INA: variants seen among roughly 807,000 people sequenced by gnomAD.
INA encodes the protein alpha-internexin.
In INA, 35 loss-of-function variants were observed where a neutral mutation model predicts 40.1. The observed-to-expected ratio is 0.87, with a 90% CI of 0.67 to 1.16. The LOEUF (loss-of-function observed/expected upper bound fraction) is 1.16. Among genes scored for constraint, INA ranks in the 50% most tolerant of loss-of-function variants. The pLI, the probability that INA is intolerant of heterozygous loss-of-function variation, is 0.00. For missense variants in INA, 594 were observed against 686.7 expected (o/e 0.87, Z 1.51); for synonymous variants, 290 against 316.9 (o/e 0.92, Z 0.90).
Position 103,277,702 on chromosome 10 carries a change from C to A in INA, c.491C>A (p.Ala164Asp). ...GAGGCCAGCTCGGCTCGCTCGCAGG[C>A]CCTGCTGGAGCGCGACGGGCTGGCG... ...LEEASSARSQ[A>D]LLERDGLAEE... Residue 164 changes from alanine (A) to aspartate (D), a missense_variant, in exon 1 of 3, where the codon GCC (alanine) becomes GAC (aspartate). Transcript: ENST00000369849. The surrounding 1 kb of genome is among the most constrained non-coding windows in gnomAD (Gnocchi z 5.6). The A allele has an allele frequency of 5.1e-6, 7 of 1,377,678 alleles. No homozygotes were observed. Among genetic ancestry groups the A allele is most frequent in the Non-Finnish European group, 6.5e-6 (7 of 1,076,878 alleles). The allele number at this position is 1,377,678 out of a possible 1,614,324, so 85.3% of individuals were successfully genotyped here.
intron 1 of INA, among the ~76,000 whole-genome samples, chr10:103,284,764 AAAAAG>A (rs2093081393): frequency 2.0e-5 from 3 of 151,898 alleles, no homozygotes; most frequent in African/African-American, 7.3e-5. Context: ...GGAAAAAAAA[AAAAAG>A]AAGAAGATAA....
rs2093066782 is a variant in INA, at chr10:103,278,837, A to G, written c.1065+561A>G. On this transcript the variant is annotated intron_variant, in intron 1 of 2. Transcript: ENST00000369849. The surrounding 1 kb of genome is among the most constrained non-coding windows in gnomAD (Gnocchi z 4.9). ...CAACAAGCTGAGCGATGCTTGAGCT[A>G]GTAGTAACCACCCTGCTCTACCCAC... 6.6e-6 allele frequency among the ~76,000 whole-genome samples: 1 copy of G among 150,696 alleles called. No individual in the cohort carries two copies. Among genetic ancestry groups the G allele is most frequent in the Non-Finnish European group, 1.5e-5 (1 of 67,762 alleles).
chr10:103,286,893 A>AG, intron 1 of INA, 142 bp from the exon 2 acceptor site: 1 of 768,608 alleles, frequency 1.3e-6, no homozygotes, highest in Non-Finnish European at 2.0e-6. Flanking sequence ...ATCTGGACTC[A>AG]GGGACAGACC....
Position 103,277,913 on chromosome 10 carries a change from G to A in INA, c.702G>A (p.Glu234=). Residue 234 remains glutamate, a synonymous_variant, in exon 1 of 3, where the codon GAG becomes GAA. Coordinates refer to ENST00000369849, the MANE Select transcript of INA (RefSeq NM_032727.4). The surrounding 1 kb of genome is among the most constrained non-coding windows in gnomAD (Gnocchi z 5.6). ...LAFVRQVHDE[E]VAELLATLQA... is the part of the protein sequence containing the mutation. ...TCGTACGCCAGGTGCACGACGAGGA[G>A]GTAGCCGAGCTGCTGGCCACGCTGC... The A allele has an allele frequency of 6.4e-7, 1 of 1,551,262 alleles. No homozygotes were observed. The highest frequency in any genetic ancestry group is 8.7e-7 in the Non-Finnish European group (1 of 1,147,238).
rs142360479 is a variant in INA at position 103,277,466 on chromosome 10, C to T, written c.255C>T (p.Asn85=). 4,795 of 1,579,580 alleles carry T rather than the reference C, an allele frequency of 3.0e-3. 10 individuals carry two copies. Among genetic ancestry groups the T allele is most frequent in the Non-Finnish European group, 3.7e-3 (4,372 of 1,166,502 alleles). ...TGAGCCAGGCGGCGGCGCGCACCAACGAGTACAAGATCATCCGCACCAACG... is the reference window on the plus strand; with the variant it reads ...TGAGCCAGGCGGCGGCGCGCACCAATGAGTACAAGATCATCCGCACCAACG... ...LDLSQAAART[N]EYKIIRTNEK... The change falls in exon 1 of 3, where the codon AAC becomes AAT. Residue 85 remains asparagine (N), a synonymous_variant. Transcript: ENST00000369849. The surrounding 1 kb of genome is among the most constrained non-coding windows in gnomAD (Gnocchi z 5.6).
At chr10:103,283,266 C>T (rs2133534982) in intron 1 of INA, among the ~76,000 whole-genome samples, 1 of 152,222 alleles carries the variant, frequency 6.6e-6, no homozygotes, top group Non-Finnish European at 1.5e-5. Context: ...TCTCCTTTTT[C>T]CCTCACTCTA....
In INA at chr10:103,278,403, G is replaced by A; in HGVS notation, c.1065+127G>A. ...AAGAGAGGAGAGAAGAGCCGCGGCT[G>A]GAGGCGCTGGTTAACAAAAAACCCT... On this transcript the variant is annotated intron_variant, in intron 1 of 2. Transcript: ENST00000369849. The surrounding 1 kb of genome is among the most constrained non-coding windows in gnomAD (Gnocchi z 4.9). The A allele has an allele frequency of 1.3e-6, 1 of 751,302 alleles. No homozygotes were observed. The highest frequency in any genetic ancestry group is 3.0e-5 in the Admixed American group (1 of 33,558). 46.5% of individuals were successfully genotyped at this position (751,302 alleles called of 1,614,324 possible). A position where few individuals can be genotyped will look rare whatever the true frequency, so the allele number is the denominator to read the frequency against.
intron 1 of INA, among the ~76,000 whole-genome samples, chr10:103,284,400 C>T (rs4918003): frequency 0.45 from 68,708 of 152,030 alleles, 15,599 homozygotes; most frequent in South Asian, 0.63. Context: ...AACATCAACA[C>T]TGCCAAAGTT....
chr10:103,277,568 C>T lies in INA; in HGVS notation c.357C>T (p.Asn119=). ...IEKVHQLETQ[N]RALEAELAAL... is the part of the protein sequence containing the mutation. Reference sequence around the variant, plus strand: ...AGGTGCATCAGCTGGAGACGCAGAACCGCGCGTTGGAGGCCGAGCTGGCCG... The same window carrying T: ...AGGTGCATCAGCTGGAGACGCAGAATCGCGCGTTGGAGGCCGAGCTGGCCG... The change falls in exon 1 of 3, where the codon AAC becomes AAT. Residue 119 remains asparagine, a synonymous_variant. Coordinates refer to ENST00000369849, the MANE Select transcript of INA (RefSeq NM_032727.4). This position sits in a 1 kb window ranked among gnomAD's most constrained non-coding sequence, Gnocchi z 5.6. The T allele has an allele frequency of 1.3e-6, 2 of 1,575,118 alleles. No individual in the cohort carries two copies. The highest frequency in any genetic ancestry group is 1.7e-6 in the Non-Finnish European group (2 of 1,166,278).
chr10:103,285,117 G>A (rs964338417), intron 1 of INA, among the ~76,000 whole-genome samples: 3 of 151,946 alleles, frequency 2.0e-5, no homozygotes, highest in Non-Finnish European at 2.9e-5. Context: ...CCTAGTAGCT[G>A]GGATTATAGG....
chr10:103,282,494 G>C (rs2093074843), intron 1 of INA, among the ~76,000 whole-genome samples: 1 of 152,142 alleles, frequency 6.6e-6, no homozygotes, highest in Admixed American at 6.5e-5. Flanking sequence ...CAGCAGATCC[G>C]TTCATCTTTC....
At position 103,288,614 on chromosome 10, in the gene INA, A is replaced by G; in HGVS notation, c.1445A>G (p.Lys482Arg). 1 of 1,598,772 alleles carries G rather than the reference A, an allele frequency of 6.3e-7. No individual in the cohort carries two copies. The highest frequency in any genetic ancestry group is 8.5e-7 in the Non-Finnish European group (1 of 1,175,594). Residue 482 changes from lysine (K) to arginine (R), a missense_variant, in exon 3 of 3, where the codon AAG becomes AGG. Physicochemically the swap from Lys to Arg is conservative, Grantham distance 26. Coordinates refer to ENST00000369849, the MANE Select transcript of INA (RefSeq NM_032727.4). ...TTAGAGGAGACAGTAATATCTACTA[A>G]GAAAACCGAGAAATCAAATATAGAA... Reference protein sequence around the residue: ...EILEETVISTKKTEKSNIEET... With the variant: ...EILEETVISTRKTEKSNIEET...
Position 103,277,470 on chromosome 10 carries a change from T to A in INA, c.259T>A (p.Tyr87Asn), listed in dbSNP as rs1447657561. 1 of 1,585,162 alleles carries A rather than the reference T, an allele frequency of 6.3e-7. No homozygotes were observed. Among genetic ancestry groups the A allele is most frequent in the African/African-American group, 1.4e-5 (1 of 71,284 alleles). The change falls in exon 1 of 3, where the codon TAC (tyrosine) becomes AAC (asparagine). Residue 87 changes from tyrosine to asparagine, a missense_variant. By Grantham distance (143) the Tyr-to-Asn change is moderately radical. Coordinates refer to ENST00000369849, the MANE Select transcript of INA (RefSeq NM_032727.4). This position sits in a 1 kb window ranked among gnomAD's most constrained non-coding sequence, Gnocchi z 5.6. ...CCAGGCGGCGGCGCGCACCAACGAGTACAAGATCATCCGCACCAACGAGAA... is the reference window on the plus strand; with the variant it reads ...CCAGGCGGCGGCGCGCACCAACGAGAACAAGATCATCCGCACCAACGAGAA... ...LSQAAARTNE[Y>N]KIIRTNEKEQ...
At chr10:103,279,802 G>T in intron 1 of INA, 1 of 447,526 alleles carries the variant, frequency 2.2e-6, no homozygotes, top group Non-Finnish European at 3.8e-6. Context: ...AGGTTAGTTT[G>T]GTATTGCATT....
At chr10:103,282,689 G>A (rs1462192781) in intron 1 of INA, among the ~76,000 whole-genome samples, 2 of 151,996 alleles carry the variant, frequency 1.3e-5, no homozygotes, top group Non-Finnish European at 2.9e-5. Flanking sequence ...TTAGTGTCCT[G>A]ATTGTGAGTG....
intron 1 of INA, among the ~76,000 whole-genome samples, chr10:103,285,687 G>T (rs937423468): frequency 1.5e-5 from 2 of 135,164 alleles, no homozygotes; most frequent in Non-Finnish European, 3.1e-5. Context: ...GCGCGATCTC[G>T]TCTCACTGCA....
intron 1 of INA, among the ~76,000 whole-genome samples, chr10:103,283,257 C>T (rs1032226019): frequency 5.3e-5 from 8 of 152,248 alleles, no homozygotes; most frequent in South Asian, 2.1e-4. Context: ...TTTCTTCTTT[C>T]TCCTTTTTCC....
At position 103,277,814 on chromosome 10, in the gene INA, C is replaced by G. The variant is rs2093063473; in HGVS notation, c.603C>G (p.Arg201=). 6.5e-7 allele frequency: 1 copy of G among 1,537,202 alleles called. No individual in the cohort carries two copies. Among genetic ancestry groups the G allele is most frequent in the Non-Finnish European group, 8.7e-7 (1 of 1,145,218 alleles). Residue 201 remains arginine (R), a synonymous_variant, in exon 1 of 3, where the codon CGC becomes CGG. Transcript: ENST00000369849. The surrounding 1 kb of genome is among the most constrained non-coding windows in gnomAD (Gnocchi z 5.6). The part of the protein sequence containing the change: ...GAERALKAQQ[R]DVDGATLARL... Reference sequence around the variant, plus strand: ...AGCGCGCCCTGAAGGCGCAGCAGCGCGACGTGGACGGCGCCACGCTGGCCC... The same window carrying G: ...AGCGCGCCCTGAAGGCGCAGCAGCGGGACGTGGACGGCGCCACGCTGGCCC...
chr10:103,279,895 TG>T, intron 1 of INA: 22 of 1,269,962 alleles, frequency 1.7e-5, no homozygotes, highest in Non-Finnish European at 2.2e-5. Context: ...CTGGATGGCC[TG>T]AATTAATCAC....
Sources: gnomAD v4.1 joint callset for allele counts (sites outside exome capture counted in the v4.1 genomes callset) on GRCh38, gnomAD v4.1.1 for gene constraint, Gnocchi (gnomAD v3.1) non-coding constraint, MANE v1.5 for transcripts, NCBI Gene and HGNC (gene_info 2026-07-23, HGNC 2026-07-21) for gene names.